Variants in PRDM14 observed in about 807,000 individuals in gnomAD.
PRDM14 encodes the protein PR domain zinc finger protein 14.
PRDM14 carries 16 observed loss-of-function variants against 48.0 expected under a neutral mutation model. That is an observed-to-expected ratio of 0.33 (90% CI 0.23 to 0.51). The LOEUF is 0.51. PRDM14 is among the 20% of genes least tolerant of loss of function. PRDM14 has a pLI of 0.97. For synonymous variants in PRDM14, 264 were observed against 276.6 expected, an observed-to-expected ratio of 0.95 and a Z score of 0.45; for missense variants, 566 against 719.6, an observed-to-expected ratio of 0.79 and a Z score of 2.44.
chr8:70,068,654 G>A (rs923795632), intron 2 of PRDM14, 122 bp from the exon 3 acceptor site: 1 of 830,504 alleles, frequency 1.2e-6, no homozygotes, highest in Non-Finnish European at 2.0e-6. Context: ...TTTATTTGTT[G>A]TTTCTATTTT....
At chr8:70,068,803 G>A (rs1404860090) in intron 2 of PRDM14, among the ~76,000 whole-genome samples, 2 of 152,206 alleles carry the variant, frequency 1.3e-5, no homozygotes, top group African/African-American at 4.8e-5. Context: ...AGGAATTTGA[G>A]GATCAGAGGT....
chr8:70,066,701 C>T (rs1805675372), intron 4 of PRDM14, among the ~76,000 whole-genome samples, 196 bp from the exon 5 acceptor site: 1 of 151,908 alleles, frequency 6.6e-6, no homozygotes, highest in Admixed American at 6.6e-5. Flanking sequence ...TTAAGGACAC[C>T]TCTCTAGGTA....
intron 5 of PRDM14, among the ~76,000 whole-genome samples, chr8:70,059,730 T>G (rs1369702183): frequency 6.6e-6 from 1 of 152,236 alleles, no homozygotes; most frequent in Non-Finnish European, 1.5e-5. Flanking sequence ...AGTAGATTAT[T>G]TTAATACTAA....
chr8:70,065,510 C>A (rs1356399206), intron 5 of PRDM14, among the ~76,000 whole-genome samples: 2 of 152,082 alleles, frequency 1.3e-5, no homozygotes, highest in African/African-American at 4.8e-5. Context: ...GCACTCCCTG[C>A]AAGTTGATAA....
At chr8:70,066,160 T>C in intron 5 of PRDM14, 75 bp downstream of exon 5, 3 of 1,500,798 alleles carry the variant, frequency 2.0e-6, no homozygotes, top group African/African-American at 1.4e-5. Flanking sequence ...GAGCTGTGCA[T>C]GGAGGGTTTG....
rs748198501 is a variant in PRDM14 at position 70,069,219 on chromosome 8, C to A, written c.642G>T (p.Glu214Asp). ...TCGCATGGTGCAGGCTGGCTGGGTG[C>A]TCCAGGCTGGGAGTGACCCCGTACA... ...FVLYGVTPSL[E>D]HPASLHHAIS... Residue 214 changes from glutamate to aspartate, a missense_variant, in exon 2 of 8, where the codon GAG becomes GAT. Transcript: ENST00000276594. 1.3e-6 allele frequency: 2 copies of A among 1,572,436 alleles called. No homozygotes were observed. The highest frequency in any genetic ancestry group is 1.2e-5 in the South Asian group (1 of 82,352).
Position 70,055,358 on chromosome 8 carries a change from T to G in PRDM14, c.1430A>C (p.Asn477Thr). ...GKCFSQSSSL[N>T]KHMRVHSGDR... Reference sequence around the variant, plus strand: ...TCCAGAGTGGACTCGCATGTGTTTGTTTAGGCTGGAAGATTGAGAGAAACA... The same window carrying G: ...TCCAGAGTGGACTCGCATGTGTTTGGTTAGGCTGGAAGATTGAGAGAAACA... Residue 477 changes from asparagine (N) to threonine (T), a missense_variant, in exon 7 of 8, where the codon AAC (asparagine) becomes ACC (threonine). Asn to Thr is a moderately conservative substitution (Grantham distance 65). Coordinates refer to ENST00000276594, the MANE Select transcript of PRDM14 (RefSeq NM_024504.4). 2 of 1,610,032 alleles carry G rather than the reference T, an allele frequency of 1.2e-6. No homozygotes were observed. Among genetic ancestry groups the G allele is most frequent in the Non-Finnish European group, 1.7e-6 (2 of 1,176,316 alleles).
At chr8:70,068,190 GC>G in intron 4 of PRDM14, 39 bp downstream of exon 4, 1 of 1,611,042 alleles carries the variant, frequency 6.2e-7, no homozygotes, top group Non-Finnish European at 8.5e-7. Flanking sequence ...CTAGTCTCCC[GC>G]CCCATTTTCA....
At chr8:70,052,407 ACG>A (rs1805402949) in intron 7 of PRDM14, 103 bp from the exon 8 acceptor site, 2 of 925,236 alleles carry the variant, frequency 2.2e-6, no homozygotes, top group Admixed American at 5.0e-5. Flanking sequence ...ATCCTTATGG[ACG>A]AACCTTGGGT....
chr8:70,056,190 G>A (rs1014478014), intron 6 of PRDM14, among the ~76,000 whole-genome samples: 1 of 152,142 alleles, frequency 6.6e-6, no homozygotes, highest in Non-Finnish European at 1.5e-5. Context: ...TTAATATTTT[G>A]TTCACACGCT....
At chr8:70,052,563 T>G (rs1357577968) in intron 7 of PRDM14, among the ~76,000 whole-genome samples, 2 of 151,892 alleles carry the variant, frequency 1.3e-5, no homozygotes, top group African/African-American at 4.8e-5. Flanking sequence ...GAGGTCCAGT[T>G]TGTAAAAAAG....
chr8:70,069,836 C>A lies in PRDM14; in HGVS notation c.25G>T (p.Ala9Ser). 1 of 1,604,948 alleles carries A rather than the reference C, an allele frequency of 6.2e-7. No homozygotes were observed. The highest frequency in any genetic ancestry group is 8.5e-7 in the Non-Finnish European group (1 of 1,176,280). Residue 9 changes from alanine to serine, a missense_variant, in exon 2 of 8, where the codon GCC becomes TCC. By Grantham distance (99) the Ala-to-Ser change is moderately conservative. Around this residue, in one of 3 missense-constraint regions of PRDM14, gnomAD observed 410 missense variants for 424.6 expected, o/e 0.97. Coordinates refer to ENST00000276594, the MANE Select transcript of PRDM14 (RefSeq NM_024504.4). Reference protein sequence around the residue: MALPRPSEAVPQDKVCYPP... With the variant: MALPRPSESVPQDKVCYPP... ...TAGCACACCTTGTCCTGAGGCACGG[C>A]CTCACTTGGCCGGGGTAGAGCCATC... is the stretch of plus-strand genomic sequence containing the variant.
chr8:70,055,287 A>G lies in PRDM14; in HGVS notation c.1488+13T>C. The G allele has an allele frequency of 6.9e-7, 1 of 1,442,106 alleles. No homozygotes were observed. 89.3% of individuals were successfully genotyped at this position (1,442,106 alleles called of 1,614,324 possible). A position where few individuals can be genotyped will look rare whatever the true frequency, so the allele number is the denominator to read the frequency against. On this transcript the variant is annotated intron_variant, in intron 7 of 7. Coordinates refer to ENST00000276594, the MANE Select transcript of PRDM14 (RefSeq NM_024504.4). The stretch of plus-strand genomic sequence containing the variant: ...AGCTCAGGACACATCCCTTAGTAAG[A>G]GGTTCCATTTACCTTAGTACAATAC...
chr8:70,052,105 G>A lies in PRDM14; in HGVS notation c.1688C>T (p.Ser563Phe), dbSNP rs1439489948. The A allele has an allele frequency of 1.9e-6, 3 of 1,610,314 alleles. No individual in the cohort carries two copies. The highest frequency in any genetic ancestry group is 4.5e-5 in the East Asian group (2 of 44,856). The change falls in exon 8 of 8, where the codon TCC (serine) becomes TTC (phenylalanine). Residue 563 changes from serine (S) to phenylalanine (F), a missense_variant. Transcript: ENST00000276594. Reference sequence around the variant, plus strand: ...GTAGTCTTCATGAAACTTCATGTGGGAGTAGAATGTTTCTTGATCTGAGAA... The same window carrying A: ...GTAGTCTTCATGAAACTTCATGTGGAAGTAGAATGTTTCTTGATCTGAGAA... The part of the protein sequence containing the change: ...KIFSDQETFY[S>F]HMKFHEDY
At chr8:70,065,828 C>T (rs1216208094) in intron 5 of PRDM14, among the ~76,000 whole-genome samples, 3 of 151,356 alleles carry the variant, frequency 2.0e-5, no homozygotes, top group Admixed American at 6.6e-5. Flanking sequence ...TCCCACCCCA[C>T]TAAGACATGC....
chr8:70,068,867 C>A (rs1805715016), intron 2 of PRDM14, among the ~76,000 whole-genome samples: 1 of 152,226 alleles, frequency 6.6e-6, no homozygotes, highest in African/African-American at 2.4e-5. Context: ...TAGGTGTGAA[C>A]TGCTGAAGGC....
intron 5 of PRDM14, among the ~76,000 whole-genome samples, chr8:70,059,589 A>G (rs1805542257): frequency 6.6e-6 from 1 of 151,990 alleles, no homozygotes; most frequent in Admixed American, 6.6e-5. Context: ...ATTTTTAAAA[A>G]CCTTTTTATT....
intron 5 of PRDM14, among the ~76,000 whole-genome samples, chr8:70,063,050 A>G (rs1805611818): frequency 6.6e-6 from 1 of 152,152 alleles, no homozygotes; most frequent in Non-Finnish European, 1.5e-5. Context: ...TTCCTTTTGG[A>G]CTATTTCTCG....
intron 7 of PRDM14, among the ~76,000 whole-genome samples, chr8:70,053,475 C>G (rs1805421989): frequency 6.6e-6 from 1 of 152,134 alleles, no homozygotes; most frequent in African/African-American, 2.4e-5. Flanking sequence ...ACTGCAACCT[C>G]CACCTCCCAG....
Sources: gnomAD v4.1 joint callset for allele counts (sites outside exome capture counted in the v4.1 genomes callset) on GRCh38, gnomAD v4.1.1 for gene constraint, gnomAD v4.1.1 regional missense constraint, MANE v1.5 for transcripts, NCBI Gene and HGNC (gene_info 2026-07-23, HGNC 2026-07-21) for gene names.